Variants in KCNC2 observed in about 807,000 individuals in gnomAD.
KCNC2 encodes voltage-gated potassium channel KCNC2.
In KCNC2, 21 loss-of-function variants were observed where a neutral mutation model predicts 44.5. That is an observed-to-expected ratio of 0.47 (90% confidence interval 0.33 to 0.68). The LOEUF is 0.68. KCNC2 is among the 30% of genes least tolerant of loss of function. KCNC2 has a pLI of 0.01. For synonymous variants in KCNC2, 391 were observed against 339.1 expected (o/e 1.15, Z -1.68); for missense variants, 589 against 826.2 (o/e 0.71, Z 3.52).
intron 2 of KCNC2, among the ~76,000 whole-genome samples, chr12:75,089,163 A>G (rs758082238): frequency 1.3e-5 from 2 of 151,902 alleles, no homozygotes; most frequent in African/African-American, 2.4e-5. Flanking sequence ...TAATTACTAA[A>G]GAAAAAATGG....
At chr12:75,136,748 A>G (rs1372112419) in intron 2 of KCNC2, among the ~76,000 whole-genome samples, 1 of 152,142 alleles carries the variant, frequency 6.6e-6, no homozygotes, top group East Asian at 1.9e-4. Flanking sequence ...TACCAGATGT[A>G]CAAAGAAGAA....
chr12:75,180,495 A>T (rs1892503364), intron 2 of KCNC2, among the ~76,000 whole-genome samples: 1 of 151,814 alleles, frequency 6.6e-6, no homozygotes, highest in Admixed American at 6.6e-5. Context: ...TTTTAATTTC[A>T]TGGTGCGTAC....
chr12:75,102,112 A>T (rs1886417194), intron 2 of KCNC2, among the ~76,000 whole-genome samples: 1 of 152,112 alleles, frequency 6.6e-6, no homozygotes, highest in Non-Finnish European at 1.5e-5. Context: ...AGAGTGTATG[A>T]AACTCTTAGG....
At chr12:75,208,044 C>A in intron 1 of KCNC2, 42 bp from the exon 2 acceptor site, 1 of 1,600,222 alleles carries the variant, frequency 6.2e-7, no homozygotes, top group Non-Finnish European at 8.5e-7. Flanking sequence ...AGATCTTAGC[C>A]GTCAAAGACA....
At chr12:75,138,029 G>T (rs951766813) in intron 2 of KCNC2, among the ~76,000 whole-genome samples, 1 of 152,182 alleles carries the variant, frequency 6.6e-6, no homozygotes, top group African/African-American at 2.4e-5. Context: ...GATTGTCATT[G>T]ATCAACAGTT....
Position 75,207,976 on chromosome 12 carries a change from T to G in KCNC2, c.8A>C (p.Lys3Thr). Residue 3 changes from lysine to threonine, a missense_variant, in exon 2 of 5, where the codon AAG becomes ACG. Coordinates refer to ENST00000549446, the MANE Select transcript of KCNC2 (RefSeq NM_139137.4). This position sits in a 1 kb window ranked among gnomAD's most constrained non-coding sequence, Gnocchi z 4.1. MG[K>T]IENNERVILN... ...GATCACCCTCTCGTTGTTCTCGATC[T>G]TGCCCATCTCTGTGACTCAGACATG... The G allele has an allele frequency of 6.2e-7, 1 of 1,612,368 alleles. No homozygotes were observed. The highest frequency in any genetic ancestry group is 8.5e-7 in the Non-Finnish European group (1 of 1,179,794).
chr12:75,047,458 T>C (rs904825705), intron 4 of KCNC2, among the ~76,000 whole-genome samples: 10 of 152,130 alleles, frequency 6.6e-5, no homozygotes, highest in African/African-American at 2.4e-4. Flanking sequence ...ATTCATTCAA[T>C]CAAGATTTAT....
At chr12:75,094,186 C>T (rs1257482499) in intron 2 of KCNC2, among the ~76,000 whole-genome samples, 1 of 151,494 alleles carries the variant, frequency 6.6e-6, no homozygotes, top group African/African-American at 2.4e-5. Flanking sequence ...TTTAAAGTTG[C>T]CTTTTGATTG....
chr12:75,051,653 A>C (rs1881185934), intron 2 of KCNC2, among the ~76,000 whole-genome samples: 1 of 152,162 alleles, frequency 6.6e-6, no homozygotes, highest in African/African-American at 2.4e-5. Context: ...ACACACCAAA[A>C]CAAAAGAGAA....
intron 2 of KCNC2, among the ~76,000 whole-genome samples, chr12:75,127,448 A>G (rs1046647340): frequency 3.3e-5 from 5 of 152,172 alleles, no homozygotes; most frequent in African/African-American, 1.2e-4. Flanking sequence ...ATAATTGAAC[A>G]TGTCAGTTGA....
intron 2 of KCNC2, among the ~76,000 whole-genome samples, chr12:75,130,725 T>C (rs927494300): frequency 6.6e-6 from 1 of 151,110 alleles, no homozygotes; most frequent in African/African-American, 2.4e-5. Context: ...CTTGGGTATA[T>C]ACACATTTTA....
chr12:75,192,600 G>T (rs2030390138), intron 2 of KCNC2, among the ~76,000 whole-genome samples: 3 of 152,108 alleles, frequency 2.0e-5, no homozygotes, highest in Non-Finnish European at 4.4e-5. Context: ...AGTCTAAAAA[G>T]CTTCTTATGG....
chr12:75,149,979 A>G (rs1057191457), intron 2 of KCNC2, among the ~76,000 whole-genome samples: 17 of 151,790 alleles, frequency 1.1e-4, no homozygotes, highest in Non-Finnish European at 2.1e-4. Flanking sequence ...TGGACATTTT[A>G]ATTTGCCAAA....
intron 2 of KCNC2, among the ~76,000 whole-genome samples, chr12:75,182,420 G>A (rs899445117): frequency 2.7e-5 from 4 of 150,866 alleles, no homozygotes; most frequent in African/African-American, 9.8e-5. Flanking sequence ...CTACTTGGGA[G>A]GCTGAGGCAG....
intron 2 of KCNC2, among the ~76,000 whole-genome samples, chr12:75,190,888 TTAA>T (rs1374810784): frequency 2.0e-5 from 3 of 151,930 alleles, no homozygotes; most frequent in African/African-American, 7.2e-5. Context: ...ATATAGACTA[TTAA>T]TAACTATTAT....
chr12:75,174,012 A>AT (rs1215868323), intron 2 of KCNC2, among the ~76,000 whole-genome samples: 3 of 151,754 alleles, frequency 2.0e-5, no homozygotes, highest in Admixed American at 6.6e-5. Context: ...TCATCTTCTG[A>AT]TTTTTTTCAT....
At chr12:75,120,169 T>C (rs1342465762) in intron 2 of KCNC2, among the ~76,000 whole-genome samples, 1 of 152,222 alleles carries the variant, frequency 6.6e-6, no homozygotes, top group Non-Finnish European at 1.5e-5. Context: ...AAGGGGAATA[T>C]AGAACAACAC....
At chr12:75,195,910 A>AC (rs980204566) in intron 2 of KCNC2, among the ~76,000 whole-genome samples, 2 of 151,844 alleles carry the variant, frequency 1.3e-5, no homozygotes, top group Non-Finnish European at 2.9e-5. Context: ...GTACCTCCCC[A>AC]CCCTTTGCTC....
At chr12:75,115,202 T>G (rs1887574074) in intron 2 of KCNC2, among the ~76,000 whole-genome samples, 1 of 152,206 alleles carries the variant, frequency 6.6e-6, no homozygotes, top group African/African-American at 2.4e-5. Context: ...ATTCACTTAC[T>G]GTGATCTGTA....
Sources: gnomAD v4.1 joint callset for allele counts (sites outside exome capture counted in the v4.1 genomes callset) on GRCh38, gnomAD v4.1.1 for gene constraint, Gnocchi (gnomAD v3.1) non-coding constraint, MANE v1.5 for transcripts, NCBI Gene and HGNC (gene_info 2026-07-23, HGNC 2026-07-21) for gene names.